The following NUFIP1 variants were observed in gnomAD, a reference collection of about 807,000 sequenced individuals.
NUFIP1 encodes nuclear FMR1 interacting protein 1.
A neutral mutation model predicts 56.2 loss-of-function variants in NUFIP1; 38 were observed. That is an observed-to-expected ratio of 0.68 (90% CI 0.52 to 0.89). The LOEUF (loss-of-function observed/expected upper bound fraction) is 0.89. Ranked by LOEUF, NUFIP1 falls within the 40% of genes least tolerant of loss-of-function variation. NUFIP1 has a pLI of 0.00. For synonymous variants in NUFIP1, 215 were observed against 212.4 expected, an observed-to-expected ratio of 1.01 and a Z score of -0.10; for missense variants, 567 against 605.8, an observed-to-expected ratio of 0.94 and a Z score of 0.67.
At chr13:44,953,397 T>C (rs1249095894) in intron 7 of NUFIP1, among the ~76,000 whole-genome samples, 6 of 152,164 alleles carry the variant, frequency 3.9e-5, no homozygotes, top group Non-Finnish European at 8.8e-5. Flanking sequence ...ACTGTGGTGC[T>C]CTAATGCTGA....
intron 8 of NUFIP1, among the ~76,000 whole-genome samples, chr13:44,949,120 T>TTTTGCCA (rs1474996545): frequency 1.3e-5 from 2 of 152,182 alleles, no homozygotes; most frequent in Non-Finnish European, 2.9e-5. Context: ...TGAATTTTCT[T>TTTTGCCA]TTTGCCATTT....
At chr13:44,943,371 CACACA>C in intron 9 of NUFIP1, 66 bp downstream of exon 9, 2 of 1,297,146 alleles carry the variant, frequency 1.5e-6, no homozygotes, top group Non-Finnish European at 2.2e-6. Context: ...CACACACACA[CACACA>C]CCCCAGTGGC....
intron 5 of NUFIP1, among the ~76,000 whole-genome samples, chr13:44,970,497 A>G (rs1368646397): frequency 2.0e-5 from 3 of 152,244 alleles, no homozygotes; most frequent in Admixed American, 6.5e-5. Context: ...ATGTCAAAGA[A>G]TATAGTGGCT....
At chr13:44,955,368 T>A (rs1164663164) in intron 7 of NUFIP1, among the ~76,000 whole-genome samples, 1 of 152,154 alleles carries the variant, frequency 6.6e-6, no homozygotes, top group Non-Finnish European at 1.5e-5. Flanking sequence ...TGGCACCAAA[T>A]ACAATACAGA....
rs1382610683 is a variant in NUFIP1, at chr13:44,979,880, C to G, written c.657+10G>C. On this transcript the variant is annotated intron_variant, in intron 4 of 9. Transcript: ENST00000379161. ...TGTATTTAAAAATAGGATAAAAAAA[C>G]AGAACTTACATTTCTCCAATGGAAC... The G allele has an allele frequency of 1.3e-6, 2 of 1,579,592 alleles. No individual in the cohort carries two copies. The highest frequency in any genetic ancestry group is 1.4e-5 in the African/African-American group (1 of 72,918).
chr13:44,960,878 C>A (rs1871399825), intron 6 of NUFIP1, among the ~76,000 whole-genome samples: 1 of 151,956 alleles, frequency 6.6e-6, no homozygotes, highest in Non-Finnish European at 1.5e-5. Flanking sequence ...TCCTGGGCAA[C>A]TTCGTCTCTA....
intron 1 of NUFIP1, among the ~76,000 whole-genome samples, chr13:44,987,175 C>T (rs1484386450): frequency 2.6e-5 from 4 of 152,146 alleles, no homozygotes; most frequent in Middle Eastern, 3.4e-3. Context: ...GTCAGGAGTT[C>T]GAGATAAGCC....
At position 44,940,231 on chromosome 13, in the gene NUFIP1, C is replaced by T. The variant is rs939584759; in HGVS notation, c.*975G>A. The T allele has an allele frequency of 6.6e-6, 1 of 152,130 alleles. No individual in the cohort carries two copies. The highest frequency in any genetic ancestry group is 2.4e-5 in the African/African-American group (1 of 41,436). The allele number at this position is 152,130 out of a possible 1,614,324, so 9.4% of individuals were successfully genotyped here. ...ATGGTGGGTACAAGGCTGGAAAACA[C>T]TGGCTAAACATGAATCTTCATCTCA... On this transcript the variant is annotated 3_prime_UTR_variant, in exon 10 of 10. Transcript: ENST00000379161.
intron 6 of NUFIP1, among the ~76,000 whole-genome samples, chr13:44,962,999 A>G (rs1270923333): frequency 2.0e-5 from 3 of 152,114 alleles, no homozygotes; most frequent in Non-Finnish European, 4.4e-5. Context: ...AAAATTTCCT[A>G]ACCCGTTTCT....
At chr13:44,986,844 C>T (rs907218152) in intron 1 of NUFIP1, among the ~76,000 whole-genome samples, 4 of 152,052 alleles carry the variant, frequency 2.6e-5, no homozygotes, top group African/African-American at 9.7e-5. Flanking sequence ...ATGCTGTGAA[C>T]ACTGTTGAAA....
chr13:44,972,594 G>T (rs1871843692), intron 5 of NUFIP1, among the ~76,000 whole-genome samples: 1 of 152,152 alleles, frequency 6.6e-6, no homozygotes, highest in African/African-American at 2.4e-5. Flanking sequence ...GTATATATTT[G>T]TCAGAACTAT....
chr13:44,959,355 A>G lies in NUFIP1; in HGVS notation c.1021+26T>C, dbSNP rs375949493. ...AGCATCATTGTCTATACACTTATAA[A>G]TACGTTATTTTCCTGTTTAGCTTAC... On this transcript the variant is annotated intron_variant, in intron 7 of 9. Transcript: ENST00000379161. 1.9e-6 allele frequency: 3 copies of G among 1,602,406 alleles called. No individual in the cohort carries two copies. In the African/African-American group the frequency reaches 4.0e-5, roughly 21 times the overall value.
rs1285184256 is a variant in NUFIP1 at position 44,959,692 on chromosome 13, G to A, written c.828-118C>T. 6.6e-6 allele frequency: 5 copies of A among 753,306 alleles called. No individual in the cohort carries two copies. The African/African-American group carries it at 8.9e-5, about 13-fold the overall frequency. 46.7% of individuals were successfully genotyped at this position (753,306 alleles called of 1,614,324 possible). A position where few individuals can be genotyped will look rare whatever the true frequency, so the allele number is the denominator to read the frequency against. On this transcript the variant is annotated intron_variant, in intron 6 of 9. Transcript: ENST00000379161. ...TGTAAAACTGATCACTTGTAGCCTA[G>A]TACATTAAAGAGACGAAAATAAAAG...
Position 44,989,275 on chromosome 13 carries a change from A to G in NUFIP1, c.162T>C (p.Leu54=). The change falls in exon 1 of 10, where the codon CTT becomes CTC. Residue 54 remains leucine (L), a synonymous_variant. Transcript: ENST00000379161. ...PPPPPPLTSS[L]PAAGSKPSSE... The stretch of plus-strand genomic sequence containing the variant: ...AGGAAGGCTTTGACCCGGCTGCGGG[A>G]AGCGAGGACGTAAGTGGTGGTGGCG... The G allele has an allele frequency of 6.2e-7, 1 of 1,613,578 alleles. No individual in the cohort carries two copies. The highest frequency in any genetic ancestry group is 2.2e-5 in the East Asian group (1 of 44,860).
chr13:44,939,488 C>T lies in NUFIP1; in HGVS notation c.*1718G>A, dbSNP rs773047759. 1.3e-5 allele frequency: 2 copies of T among 151,884 alleles called. No individual in the cohort carries two copies. The highest frequency in any genetic ancestry group is 2.9e-5 in the Non-Finnish European group (2 of 67,930). 9.4% of individuals were successfully genotyped at this position (151,884 alleles called of 1,614,324 possible). On this transcript the variant is annotated 3_prime_UTR_variant, in exon 10 of 10. Coordinates refer to ENST00000379161, the MANE Select transcript of NUFIP1 (RefSeq NM_012345.3). ...GTTTGAACAATTAACAAGCTAAATC[C>T]AAAAAAACCTGTACCCAAAACAGGC...
intron 6 of NUFIP1, among the ~76,000 whole-genome samples, chr13:44,962,742 T>G (rs1183999068): frequency 6.6e-6 from 1 of 152,212 alleles, no homozygotes; most frequent in Non-Finnish European, 1.5e-5. Context: ...AACTTCCAGT[T>G]CTGCACGTTC....
At chr13:44,951,895 G>T (rs1871095053) in intron 7 of NUFIP1, among the ~76,000 whole-genome samples, 1 of 152,166 alleles carries the variant, frequency 6.6e-6, no homozygotes, top group East Asian at 1.9e-4. Flanking sequence ...GCTGATGGAG[G>T]GTACTGTCTT....
At chr13:44,964,229 G>C (rs1432788661) in intron 6 of NUFIP1, among the ~76,000 whole-genome samples, 1 of 152,028 alleles carries the variant, frequency 6.6e-6, no homozygotes, top group East Asian at 1.9e-4. Flanking sequence ...AAAAATAAAA[G>C]ATTAATAAAT....
In NUFIP1 at chr13:44,989,070, A is replaced by G; in HGVS notation, c.367T>C (p.Ser123Pro). 3 of 1,614,196 alleles carry G rather than the reference A, an allele frequency of 1.9e-6. No homozygotes were observed. The highest frequency in any genetic ancestry group is 2.5e-6 in the Non-Finnish European group (3 of 1,180,016). The stretch of plus-strand genomic sequence containing the variant: ...TGATGCCGAGGAAACCTATCAGAAG[A>G]CTGTCTCCAATACCACGATGTGGAA... ...HASTSWYWRQ[S>P]SDRFPRHQKS... is the part of the protein sequence containing the mutation. Residue 123 changes from serine to proline, a missense_variant, in exon 1 of 10, where the codon TCT (serine) becomes CCT (proline). By Grantham distance (74) the Ser-to-Pro change is moderately conservative. Coordinates refer to ENST00000379161, the MANE Select transcript of NUFIP1 (RefSeq NM_012345.3).
Sources: allele counts gnomAD v4.1 joint callset (sites outside exome capture counted in the v4.1 genomes callset), GRCh38; gene constraint gnomAD v4.1.1; transcripts MANE v1.5; gene names NCBI Gene and HGNC (gene_info 2026-07-23, HGNC 2026-07-21).